PTPRE: variants seen among roughly 807,000 people sequenced by gnomAD.
PTPRE encodes the protein protein tyrosine phosphatase receptor type E.
Under a neutral mutation model 102.0 loss-of-function variants are expected in PTPRE, and 51 were observed. That is an observed-to-expected ratio of 0.50 (90% confidence interval 0.40 to 0.63). PTPRE has a LOEUF of 0.63. Among genes scored for constraint, PTPRE ranks in the 30% least tolerant of loss-of-function variants. The pLI, the probability that PTPRE is intolerant of heterozygous loss-of-function variation, is 0.00. For missense variants in PTPRE, 752 were observed against 915.1 expected (o/e 0.82, Z 2.30); for synonymous variants, 345 against 348.2 (o/e 0.99, Z 0.10).
chr10:128,007,318 G>A (rs1221567969), intron 2 of PTPRE, among the ~76,000 whole-genome samples: 1 of 152,150 alleles, frequency 6.6e-6, no homozygotes, highest in Non-Finnish European at 1.5e-5. Context: ...TTTTAATGAC[G>A]CAAGGGTTTT....
intron 17 of PTPRE, 66 bp from the exon 18 acceptor site, chr10:128,076,537 T>G: frequency 6.7e-7 from 1 of 1,487,072 alleles, no homozygotes; most frequent in Non-Finnish European, 9.0e-7. Flanking sequence ...TTCTGTGTTA[T>G]AAACTCAAAA....
At chr10:128,063,211 C>G in intron 10 of PTPRE, 31 bp downstream of exon 10, 1 of 1,612,158 alleles carries the variant, frequency 6.2e-7, no homozygotes, top group Middle Eastern at 1.7e-4. Context: ...CCCGGTATCA[C>G]TTCCTTTCAG....
intron 1 of PTPRE, among the ~76,000 whole-genome samples, chr10:127,945,176 G>A (rs1188513301): frequency 2.0e-5 from 3 of 152,172 alleles, no homozygotes; most frequent in East Asian, 1.9e-4. Flanking sequence ...GTTGGTTTTC[G>A]AAGTTATTGG....
intron 1 of PTPRE, among the ~76,000 whole-genome samples, chr10:127,967,002 A>T (rs1215424448): frequency 6.6e-6 from 1 of 152,246 alleles, no homozygotes; most frequent in Non-Finnish European, 1.5e-5. Flanking sequence ...TGTAAGAGAT[A>T]AAGCGTTTTG....
chr10:128,025,207 T>G (rs2135712516), intron 2 of PTPRE, among the ~76,000 whole-genome samples: 1 of 146,158 alleles, frequency 6.8e-6, no homozygotes. Context: ...CTGAAATGAA[T>G]TATGAAGCAT....
intron 1 of PTPRE, among the ~76,000 whole-genome samples, chr10:127,912,945 G>A (rs1845962561): frequency 1.3e-5 from 2 of 152,256 alleles, no homozygotes; most frequent in South Asian, 4.1e-4. Flanking sequence ...AGCAGCAAGT[G>A]GAAGCCACGG....
chr10:128,065,027 T>G (rs1214407637), intron 10 of PTPRE, among the ~76,000 whole-genome samples: 1 of 152,156 alleles, frequency 6.6e-6, no homozygotes, highest in Non-Finnish European at 1.5e-5. Flanking sequence ...GGGCTCCCCA[T>G]AGGGCCAAGA....
chr10:128,062,486 G>A (rs1300073646), intron 9 of PTPRE, among the ~76,000 whole-genome samples: 3 of 152,204 alleles, frequency 2.0e-5, no homozygotes, highest in South Asian at 2.1e-4. Context: ...GCTAGCCCAC[G>A]GCAGGACAGC....
At chr10:127,990,552 C>G (rs542170314) in intron 2 of PTPRE, among the ~76,000 whole-genome samples, 1 of 152,204 alleles carries the variant, frequency 6.6e-6, no homozygotes, top group South Asian at 2.1e-4. Context: ...ATCTTCAAGA[C>G]CTAGAGTTCT....
At chr10:128,075,390 G>T (rs924426142) in intron 17 of PTPRE, among the ~76,000 whole-genome samples, 1 of 152,102 alleles carries the variant, frequency 6.6e-6, no homozygotes, top group Admixed American at 6.5e-5. Context: ...CATCATCTAG[G>T]TTTTAAGCCC....
chr10:127,978,277 G>A (rs936162792), intron 1 of PTPRE, among the ~76,000 whole-genome samples: 7 of 151,894 alleles, frequency 4.6e-5, no homozygotes, highest in African/African-American at 1.7e-4. Flanking sequence ...AGTGGCTCAC[G>A]CCTGTAATGC....
At chr10:127,941,092 T>C (rs1848212976) in intron 1 of PTPRE, among the ~76,000 whole-genome samples, 1 of 152,200 alleles carries the variant, frequency 6.6e-6, no homozygotes, top group African/African-American at 2.4e-5. Flanking sequence ...GCTAACCACA[T>C]GCAGGCCGCC....
At chr10:128,045,337 C>A (rs927787412) in intron 3 of PTPRE, among the ~76,000 whole-genome samples, 1 of 152,220 alleles carries the variant, frequency 6.6e-6, no homozygotes, top group African/African-American at 2.4e-5. Context: ...GCTGGTGGGG[C>A]CCAGGTGCTC....
intron 2 of PTPRE, among the ~76,000 whole-genome samples, chr10:128,003,809 C>T (rs965805086): frequency 6.6e-6 from 1 of 152,050 alleles, no homozygotes; most frequent in Non-Finnish European, 1.5e-5. Flanking sequence ...AGTGTTTAAT[C>T]AAGAGAAATG....
At chr10:127,922,956 G>A (rs1846713673) in intron 1 of PTPRE, among the ~76,000 whole-genome samples, 1 of 152,154 alleles carries the variant, frequency 6.6e-6, no homozygotes, top group Non-Finnish European at 1.5e-5. Context: ...TTCAGCTAGT[G>A]ACCTCAGCAT....
intron 2 of PTPRE, chr10:127,999,262 A>T (rs1244945877): frequency 1.3e-5 from 2 of 152,304 alleles, no homozygotes; most frequent in African/African-American, 4.8e-5. Context: ...CTGTGTTTGC[A>T]GAAAGGCACT....
intron 4 of PTPRE, 135 bp downstream of exon 4, chr10:128,047,624 G>A (rs1848203578): frequency 1.2e-6 from 2 of 1,614,066 alleles, no homozygotes; most frequent in Non-Finnish European, 1.7e-6. Context: ...GACACACAGA[G>A]GCCAGGCCTT....
At chr10:127,930,010 C>T (rs922807224) in intron 1 of PTPRE, among the ~76,000 whole-genome samples, 8 of 141,266 alleles carry the variant, frequency 5.7e-5, no homozygotes, top group African/African-American at 1.6e-4. Context: ...TGCAGTGAGC[C>T]GAGATCACAC....
At chr10:127,936,909 G>A (rs1012361755) in intron 1 of PTPRE, among the ~76,000 whole-genome samples, 1 of 152,152 alleles carries the variant, frequency 6.6e-6, no homozygotes, top group Non-Finnish European at 1.5e-5. Flanking sequence ...AAACATGGCT[G>A]TTTGTTGCTG....
Sources: allele counts gnomAD v4.1 joint callset (sites outside exome capture counted in the v4.1 genomes callset), GRCh38; gene constraint gnomAD v4.1.1; transcripts MANE v1.5; gene names NCBI Gene and HGNC (gene_info 2026-07-23, HGNC 2026-07-21).